The following PACS1 variants were observed in gnomAD, a reference collection of about 807,000 sequenced individuals.
PACS1 encodes phosphofurin acidic cluster sorting protein 1.
A neutral mutation model predicts 115.0 loss-of-function variants in PACS1; 24 were observed. That is an observed-to-expected ratio of 0.21 (90% CI 0.15 to 0.29). PACS1 has a LOEUF of 0.29. Ranked by LOEUF, PACS1 falls within the 10% of genes least tolerant of loss-of-function variation. The probability of loss-of-function intolerance (pLI) is 1.00; values close to 1 mark genes in which losing one functional copy is unlikely to be tolerated. For missense variants in PACS1, 838 were observed against 1,251.2 expected, an observed-to-expected ratio of 0.67 and a Z score of 4.98; for synonymous variants, 453 against 504.5, an observed-to-expected ratio of 0.90 and a Z score of 1.37.
chr11:66,089,145 G>T (rs1461202640), intron 1 of PACS1, among the ~76,000 whole-genome samples: 1 of 152,072 alleles, frequency 6.6e-6, no homozygotes. Context: ...TCTTAATTGT[G>T]CAGGACTCGA....
intron 10 of PACS1, among the ~76,000 whole-genome samples, chr11:66,223,840 C>T (rs1204744423): frequency 1.3e-5 from 2 of 152,158 alleles, no homozygotes; most frequent in Admixed American, 6.5e-5. Flanking sequence ...ATTACTTAGA[C>T]ACTCTGAGCC....
chr11:66,145,036 C>T (rs1359089472), intron 1 of PACS1, among the ~76,000 whole-genome samples: 1 of 152,182 alleles, frequency 6.6e-6, no homozygotes, highest in African/African-American at 2.4e-5. Context: ...TTAAAAGTAG[C>T]TGAGGACAGA....
chr11:66,178,792 G>T (rs1256701126), intron 1 of PACS1, among the ~76,000 whole-genome samples: 1 of 152,056 alleles, frequency 6.6e-6, no homozygotes, highest in Non-Finnish European at 1.5e-5. Flanking sequence ...ATCTGTTACA[G>T]TATCAACAAT....
chr11:66,084,672 C>A (rs865947283), intron 1 of PACS1, among the ~76,000 whole-genome samples: 4 of 152,112 alleles, frequency 2.6e-5, no homozygotes, highest in South Asian at 2.1e-4. Flanking sequence ...TGTGACAGAA[C>A]AAAAGGATTC....
chr11:66,187,909 A>T (rs1854421483), intron 1 of PACS1, among the ~76,000 whole-genome samples: 1 of 152,188 alleles, frequency 6.6e-6, no homozygotes, highest in Non-Finnish European at 1.5e-5. Context: ...TGGCTGCACT[A>T]GTTCACATTC....
At chr11:66,227,456 G>A in intron 10 of PACS1, 48 bp from the exon 11 acceptor site, 1 of 1,040,960 alleles carries the variant, frequency 9.6e-7, no homozygotes, top group Non-Finnish European at 1.5e-6. Context: ...ACAAATTAAA[G>A]TGGTAGTTAT....
intron 1 of PACS1, among the ~76,000 whole-genome samples, chr11:66,149,635 G>A (rs960610108): frequency 8.6e-5 from 13 of 151,776 alleles, no homozygotes; most frequent in Admixed American, 2.6e-4. Context: ...TCAAGTACCC[G>A]GTCTATAAAC....
intron 1 of PACS1, among the ~76,000 whole-genome samples, chr11:66,141,918 G>A (rs1859000846): frequency 6.6e-6 from 1 of 151,920 alleles, no homozygotes; most frequent in Non-Finnish European, 1.5e-5. Flanking sequence ...CGATTCTCCT[G>A]CCTCAGCCTC....
chr11:66,190,897 C>T (rs1226565462), intron 1 of PACS1, among the ~76,000 whole-genome samples: 1 of 152,086 alleles, frequency 6.6e-6, no homozygotes, highest in African/African-American at 2.4e-5. Context: ...GTTGAGGGCA[C>T]CCAGGTCACA....
At chr11:66,100,063 A>T (rs567465698) in intron 1 of PACS1, among the ~76,000 whole-genome samples, 115 of 151,976 alleles carry the variant, frequency 7.6e-4, no homozygotes, top group African/African-American at 2.7e-3. Flanking sequence ...TATTTTTAGT[A>T]GAGACGTGGT....
intron 17 of PACS1, 68 bp downstream of exon 17, chr11:66,234,310 G>C (rs1381054331): frequency 1.0e-6 from 1 of 982,414 alleles, no homozygotes; most frequent in Non-Finnish European, 1.7e-6. Flanking sequence ...GGCTGCAGAA[G>C]GAGGCTGAGG....
At chr11:66,122,351 G>A (rs1240968796) in intron 1 of PACS1, among the ~76,000 whole-genome samples, 4 of 152,176 alleles carry the variant, frequency 2.6e-5, no homozygotes, top group Non-Finnish European at 5.9e-5. Context: ...AGATGGAGAT[G>A]TACAAAGAAA....
At chr11:66,074,207 C>A (rs573113004) in intron 1 of PACS1, among the ~76,000 whole-genome samples, 49 of 152,218 alleles carry the variant, frequency 3.2e-4, no homozygotes, top group African/African-American at 1.1e-3. Context: ...CTGTGAAATA[C>A]AGTTGGCTTT....
At chr11:66,072,251 C>T (rs887802171) in intron 1 of PACS1, among the ~76,000 whole-genome samples, 1 of 151,966 alleles carries the variant, frequency 6.6e-6, no homozygotes, top group African/African-American at 2.4e-5. Flanking sequence ...TAAATATTTT[C>T]ATGATGGGTA....
chr11:66,200,508 T>C (rs996251352), intron 2 of PACS1, among the ~76,000 whole-genome samples: 1 of 151,434 alleles, frequency 6.6e-6, no homozygotes, highest in Non-Finnish European at 1.5e-5. Flanking sequence ...ATAGCTATAC[T>C]TATATCAGAC....
chr11:66,095,535 A>G (rs1417345045), intron 1 of PACS1, among the ~76,000 whole-genome samples: 2 of 152,148 alleles, frequency 1.3e-5, no homozygotes, highest in African/African-American at 4.8e-5. Context: ...TCCACTCACT[A>G]CGAACTCAAT....
chr11:66,096,184 T>C (rs1857775192), intron 1 of PACS1, among the ~76,000 whole-genome samples: 2 of 151,330 alleles, frequency 1.3e-5, no homozygotes, highest in Admixed American at 1.3e-4. Context: ...CCACCATGCC[T>C]GGTTTTCTTT....
chr11:66,103,303 G>A (rs7937763), intron 1 of PACS1, among the ~76,000 whole-genome samples: 4,182 of 152,156 alleles, frequency 0.027, 200 homozygotes, highest in African/African-American at 0.094. Flanking sequence ...TATATGTAAA[G>A]TACATGGAGA....
chr11:66,070,953 C>G lies in PACS1; in HGVS notation c.356+111C>G. ...CCCCGCCCTCCATCTCCCCGACTGT[C>G]CCGCGGCCCGGCCTGGCTCCAGCCA... is the stretch of plus-strand genomic sequence containing the variant. On this transcript the variant is annotated intron_variant, in intron 1 of 23. Coordinates refer to ENST00000320580, the MANE Select transcript of PACS1 (RefSeq NM_018026.4). The surrounding 1 kb of genome is among the most constrained non-coding windows in gnomAD (Gnocchi z 5.9). 8.9e-7 allele frequency: 1 copy of G among 1,121,970 alleles called. No homozygotes were observed. The allele number at this position is 1,121,970 out of a possible 1,614,324, so 69.5% of individuals were successfully genotyped here.
Sources: allele counts gnomAD v4.1 joint callset (sites outside exome capture counted in the v4.1 genomes callset), GRCh38; gene constraint gnomAD v4.1.1; non-coding constraint Gnocchi (gnomAD v3.1); transcripts MANE v1.5; gene names NCBI Gene and HGNC (gene_info 2026-07-23, HGNC 2026-07-21).